The following NAALADL2 variants were observed in gnomAD, a reference collection of about 807,000 sequenced individuals.
NAALADL2 encodes inactive N-acetylated-alpha-linked acidic dipeptidase-like protein 2.
In NAALADL2, 76 loss-of-function variants were observed where a neutral mutation model predicts 87.2. The ratio of observed to expected loss-of-function variants is 0.87; its 90% CI spans 0.72 to 1.05. The LOEUF (loss-of-function observed/expected upper bound fraction) is 1.05, where lower values mean the gene tolerates loss of function less well. Among genes scored for constraint, NAALADL2 ranks in the 50% least tolerant of loss-of-function variants. The pLI, the probability that NAALADL2 is intolerant of heterozygous loss-of-function variation, is 0.00. For missense variants in NAALADL2, 1,089 were observed against 945.8 expected (o/e 1.15, Z -1.99); for synonymous variants, 354 against 331.0 (o/e 1.07, Z -0.75).
rs552728180 is a variant in NAALADL2, at chr3:175,780,195, A to G, written c.2190-22810A>G. 3.5e-3 allele frequency among the ~76,000 whole-genome samples: 527 copies of G among 151,608 alleles called. 10 individuals carry two copies. The East Asian group carries it at 0.041, about 12-fold the overall frequency. ...GGAGGCTGAGGCAGGAGAATGGCAT[A>G]AATCCAGGAGGCGGAGCTTGCAGTG... On this transcript the variant is annotated intron_variant, in intron 13 of 13. Coordinates refer to ENST00000454872, the MANE Select transcript of NAALADL2 (RefSeq NM_207015.3).
chr3:175,652,964 CAG>C (rs920552877), intron 11 of NAALADL2, among the ~76,000 whole-genome samples: 17 of 152,106 alleles, frequency 1.1e-4, no homozygotes, highest in African/African-American at 3.9e-4. Context: ...ATAACATAAA[CAG>C]GGGATTGACA....
chr3:175,669,402 C>A (rs955640254), intron 11 of NAALADL2, among the ~76,000 whole-genome samples: 3 of 152,040 alleles, frequency 2.0e-5, no homozygotes, highest in South Asian at 2.1e-4. Context: ...GTTGGAATCA[C>A]CTCCAGAGCT....
At chr3:175,657,361 A>G (rs1560926466) in intron 11 of NAALADL2, among the ~76,000 whole-genome samples, 2 of 152,202 alleles carry the variant, frequency 1.3e-5, no homozygotes, top group African/African-American at 4.8e-5. Flanking sequence ...CAAGATAAGT[A>G]TCAGGGACAT....
chr3:174,691,621 A>G (rs991931800), intron 2 of NAALADL2, among the ~76,000 whole-genome samples: 1 of 152,134 alleles, frequency 6.6e-6, no homozygotes, highest in Non-Finnish European at 1.5e-5. Flanking sequence ...AGTTTACCAC[A>G]TCAATTTACT....
intron 5 of NAALADL2, among the ~76,000 whole-genome samples, chr3:175,366,668 T>C (rs1293596613): frequency 6.6e-6 from 1 of 151,616 alleles, no homozygotes; most frequent in Admixed American, 6.6e-5. Flanking sequence ...TTTTGAGAAG[T>C]GTCTGTTCAT....
chr3:175,074,255 A>T (rs139331280), intron 1 of NAALADL2, among the ~76,000 whole-genome samples: 1 of 152,218 alleles, frequency 6.6e-6, no homozygotes, highest in South Asian at 2.1e-4. Flanking sequence ...TTTGACTCAC[A>T]TGTCTCAGGT....
At chr3:174,664,677 C>G (rs756652831) in intron 2 of NAALADL2, among the ~76,000 whole-genome samples, 1 of 152,032 alleles carries the variant, frequency 6.6e-6, no homozygotes, top group East Asian at 1.9e-4. Context: ...ATGGTCTGAA[C>G]ATTTAGTTTC....
At chr3:174,948,392 G>A (rs941111428) in intron 1 of NAALADL2, among the ~76,000 whole-genome samples, 3 of 152,126 alleles carry the variant, frequency 2.0e-5, no homozygotes, top group East Asian at 3.9e-4. Flanking sequence ...GGCCAGGCTG[G>A]TCTTGAACTC....
At chr3:174,600,270 CG>C (rs1341641688) in intron 2 of NAALADL2, among the ~76,000 whole-genome samples, 1 of 151,830 alleles carries the variant, frequency 6.6e-6, no homozygotes, top group East Asian at 1.9e-4. Flanking sequence ...ACCTTTAGCA[CG>C]GGGATTAAGT....
In NAALADL2 at chr3:174,849,831, C is replaced by T. The variant is rs777891190; in HGVS notation, c.-9+112085C>T. Among the ~76,000 whole-genome samples the T allele has an allele frequency of 2.6e-5, 4 of 151,296 alleles. No homozygotes were observed. The South Asian group carries it at 8.3e-4, about 31-fold the overall frequency. ...TCATTATCATTGTCTGCCACCTCCACGTCTTGTCTTGCTGGATTGTCTATT... is the reference window on the plus strand; with the variant it reads ...TCATTATCATTGTCTGCCACCTCCATGTCTTGTCTTGCTGGATTGTCTATT... On this transcript the variant is annotated intron_variant, in intron 3 of 3. Coordinates refer to the NAALADL2 transcript ENST00000434257.
intron 11 of NAALADL2, among the ~76,000 whole-genome samples, chr3:175,657,873 G>A (rs774326102): frequency 7.2e-5 from 11 of 151,896 alleles, no homozygotes; most frequent in Non-Finnish European, 1.5e-4. Flanking sequence ...ACCGTGCCTG[G>A]CCTCATTTTA....
chr3:175,507,067 T>C (rs1730433107), intron 9 of NAALADL2, among the ~76,000 whole-genome samples: 2 of 151,974 alleles, frequency 1.3e-5, no homozygotes. Flanking sequence ...CTCTTTCCTA[T>C]TGACCTATAA....
intron 3 of NAALADL2, among the ~76,000 whole-genome samples, chr3:174,751,760 C>T (rs562727425): frequency 6.6e-6 from 1 of 150,972 alleles, no homozygotes; most frequent in African/African-American, 2.4e-5. Flanking sequence ...TATCTAATAA[C>T]TTTCATGTAC....
At chr3:175,369,821 C>A (rs1404718677) in intron 5 of NAALADL2, among the ~76,000 whole-genome samples, 1 of 152,176 alleles carries the variant, frequency 6.6e-6, no homozygotes, top group African/African-American at 2.4e-5. Flanking sequence ...CTAAACCCTT[C>A]ATCTGATTGT....
At chr3:174,971,850 A>G (rs928700852) in intron 1 of NAALADL2, among the ~76,000 whole-genome samples, 1 of 152,150 alleles carries the variant, frequency 6.6e-6, no homozygotes, top group African/African-American at 2.4e-5. Context: ...GGCACATGCC[A>G]CGACGCCCAG....
intron 1 of NAALADL2, among the ~76,000 whole-genome samples, chr3:174,897,847 C>T (rs1357990983): frequency 7.2e-6 from 1 of 138,124 alleles, no homozygotes; most frequent in African/African-American, 3.5e-5. Context: ...GGCGCGGTGG[C>T]TCACGCCTGT....
At chr3:174,535,814 T>C (rs979933776) in intron 1 of NAALADL2, among the ~76,000 whole-genome samples, 2 of 152,152 alleles carry the variant, frequency 1.3e-5, no homozygotes, top group African/African-American at 2.4e-5. Flanking sequence ...TGGGCTAGGC[T>C]CTGGATTGGA....
At chr3:175,081,450 T>G (rs1389890597) in intron 1 of NAALADL2, among the ~76,000 whole-genome samples, 1 of 152,194 alleles carries the variant, frequency 6.6e-6, no homozygotes. Context: ...CAGCTTCTCC[T>G]TGATTTATAT....
chr3:174,805,283 C>G (rs926257132), intron 3 of NAALADL2, among the ~76,000 whole-genome samples: 9 of 152,098 alleles, frequency 5.9e-5, no homozygotes, highest in African/African-American at 2.2e-4. Flanking sequence ...GATCTGCATC[C>G]TTTTTGTCTC....
Sources: gnomAD v4.1 joint callset for allele counts (sites outside exome capture counted in the v4.1 genomes callset) on GRCh38, gnomAD v4.1.1 for gene constraint, MANE v1.5 for transcripts, NCBI Gene and HGNC (gene_info 2026-07-23, HGNC 2026-07-21) for gene names.